ZDHHC14: variants seen among roughly 807,000 people sequenced by gnomAD.
The protein encoded by ZDHHC14 is palmitoyltransferase ZDHHC14.
In ZDHHC14, 16 loss-of-function variants were observed where a neutral mutation model predicts 47.7. That is an observed-to-expected ratio of 0.34 (90% CI 0.23 to 0.51). The LOEUF (loss-of-function observed/expected upper bound fraction) is 0.51, where lower values mean the gene tolerates loss of function less well. Among genes scored for constraint, ZDHHC14 ranks in the 20% least tolerant of loss-of-function variants. ZDHHC14 has a pLI of 0.97. For synonymous variants in ZDHHC14, 293 were observed against 278.9 expected, an observed-to-expected ratio of 1.05 and a Z score of -0.50; for missense variants, 515 against 662.5, an observed-to-expected ratio of 0.78 and a Z score of 2.44.
At chr6:157,665,693 G>A (rs918908339) in intron 8 of ZDHHC14, among the ~76,000 whole-genome samples, 2 of 152,116 alleles carry the variant, frequency 1.3e-5, no homozygotes, top group Non-Finnish European at 2.9e-5. Flanking sequence ...ATAGAAAGCT[G>A]GCATCAAAGT....
chr6:157,551,796 GC>G (rs1321619544), intron 2 of ZDHHC14, among the ~76,000 whole-genome samples: 1 of 152,156 alleles, frequency 6.6e-6, no homozygotes, highest in East Asian at 1.9e-4. Context: ...CTCCCTCCCT[GC>G]AGTGCCTGTG....
At chr6:157,403,852 G>A (rs780956723) in intron 1 of ZDHHC14, among the ~76,000 whole-genome samples, 10 of 152,334 alleles carry the variant, frequency 6.6e-5, no homozygotes, top group Middle Eastern at 3.4e-3. Context: ...TCATGGACCC[G>A]CCTGCAGGAG....
intron 1 of ZDHHC14, among the ~76,000 whole-genome samples, chr6:157,464,348 A>G (rs1779159727): frequency 6.6e-6 from 1 of 152,344 alleles, no homozygotes; most frequent in East Asian, 1.9e-4. Flanking sequence ...GGACTTTGAA[A>G]TAATTCATTT....
chr6:157,409,578 TA>T (rs938687785), intron 1 of ZDHHC14, among the ~76,000 whole-genome samples: 1 of 152,170 alleles, frequency 6.6e-6, no homozygotes, highest in African/African-American at 2.4e-5. Flanking sequence ...AGCTCTTGAG[TA>T]AAGTAGGGAA....
At chr6:157,619,805 A>T (rs1312923317) in intron 3 of ZDHHC14, among the ~76,000 whole-genome samples, 1 of 152,172 alleles carries the variant, frequency 6.6e-6, no homozygotes, top group Admixed American at 6.5e-5. Context: ...ATTCATGCAG[A>T]TACTAATAAA....
intron 1 of ZDHHC14, among the ~76,000 whole-genome samples, chr6:157,425,028 A>G (rs1404819196): frequency 6.6e-6 from 1 of 152,152 alleles, no homozygotes; most frequent in Non-Finnish European, 1.5e-5. Context: ...TAAGACTCCC[A>G]TTGTTATTTT....
rs192819055 is a variant in ZDHHC14 at position 157,559,715 on chromosome 6, G to C, written c.406+16970G>C. On this transcript the variant is annotated intron_variant, in intron 2 of 8. Coordinates refer to ENST00000359775, the MANE Select transcript of ZDHHC14 (RefSeq NM_024630.3). ...TTGTCATGAATACTATTTTGGAGTT[G>C]GACCCATTATAAATGTTTTGTCCAG... Among the ~76,000 whole-genome samples, 645 of 152,294 alleles carry C rather than the reference G, an allele frequency of 4.2e-3. 2 individuals carry two copies. Among genetic ancestry groups the C allele is most frequent in the Middle Eastern group, 0.034 (10 of 294 alleles).
At chr6:157,672,690 C>T in intron 8 of ZDHHC14, 34 bp from the exon 9 acceptor site, 1 of 1,595,052 alleles carries the variant, frequency 6.3e-7, no homozygotes, top group Non-Finnish European at 8.5e-7. Context: ...CCCTCCTCTC[C>T]ACCTTCTCTT....
chr6:157,441,472 T>A (rs1396983596), intron 1 of ZDHHC14, among the ~76,000 whole-genome samples: 1 of 152,224 alleles, frequency 6.6e-6, no homozygotes, highest in African/African-American at 2.4e-5. Flanking sequence ...TTTCCTATGT[T>A]AATTTCTTTC....
At chr6:157,606,476 A>T (rs1039180350) in intron 3 of ZDHHC14, among the ~76,000 whole-genome samples, 1 of 151,814 alleles carries the variant, frequency 6.6e-6, no homozygotes. Flanking sequence ...CAAAAAAAAG[A>T]AAAAAGAAAA....
intron 3 of ZDHHC14, among the ~76,000 whole-genome samples, chr6:157,613,369 C>G (rs1165835189): frequency 2.6e-5 from 4 of 152,174 alleles, no homozygotes; most frequent in African/African-American, 9.7e-5. Context: ...GTTTTTAGTG[C>G]TGGTCATGAC....
chr6:157,644,673 C>T (rs568375968), intron 5 of ZDHHC14, among the ~76,000 whole-genome samples: 1 of 152,340 alleles, frequency 6.6e-6, no homozygotes, highest in African/African-American at 2.4e-5. Flanking sequence ...TGGAGAAGAT[C>T]ATCACTGACA....
chr6:157,552,958 A>G (rs1582928989), intron 2 of ZDHHC14, among the ~76,000 whole-genome samples: 2 of 152,236 alleles, frequency 1.3e-5, no homozygotes, highest in Non-Finnish European at 2.9e-5. Flanking sequence ...TTGTTAAAAC[A>G]TGAAGGCAGA....
At position 157,635,911 on chromosome 6, in the gene ZDHHC14, T is replaced by G. The variant is rs550586734; in HGVS notation, c.752+3029T>G. ...AAGAGTTTTCCCTATTGGCCCAGTT[T>G]TTGAAAACGCATAGAAGTCTCAGCC... On this transcript the variant is annotated intron_variant, in intron 5 of 8. Transcript: ENST00000359775. Among the ~76,000 whole-genome samples, 8 of 152,338 alleles carry G rather than the reference T, an allele frequency of 5.3e-5. No individual in the cohort carries two copies. In the East Asian group the frequency reaches 1.5e-3, roughly 29 times the overall value.
chr6:157,479,882 G>A (rs767898240), intron 1 of ZDHHC14, among the ~76,000 whole-genome samples: 2 of 152,212 alleles, frequency 1.3e-5, no homozygotes, highest in Non-Finnish European at 2.9e-5. Context: ...ATGTGAATCT[G>A]ATCAGACAAG....
intron 3 of ZDHHC14, among the ~76,000 whole-genome samples, chr6:157,602,201 CAAA>C (rs67391412): frequency 1.7e-4 from 22 of 126,988 alleles, no homozygotes; most frequent in African/African-American, 5.2e-4. Flanking sequence ...GATTCTGTCT[CAAA>C]AAAAAAAAAA....
At chr6:157,402,393 T>A (rs1235459165) in intron 1 of ZDHHC14, among the ~76,000 whole-genome samples, 1 of 151,336 alleles carries the variant, frequency 6.6e-6, no homozygotes, top group African/African-American at 2.4e-5. Context: ...CCTGCCAAGG[T>A]CGCAGCGGGA....
intron 8 of ZDHHC14, among the ~76,000 whole-genome samples, chr6:157,654,987 G>A (rs191170581): frequency 1.3e-3 from 193 of 152,158 alleles, no homozygotes; most frequent in African/African-American, 4.4e-3. Context: ...CACCTGCCTC[G>A]GCCTCCCAAA....
rs138864373 is a variant in ZDHHC14, at chr6:157,566,887, G to A, written c.406+24142G>A. On this transcript the variant is annotated intron_variant, in intron 2 of 8. Coordinates refer to ENST00000359775, the MANE Select transcript of ZDHHC14 (RefSeq NM_024630.3). The stretch of plus-strand genomic sequence containing the variant: ...TTTTTTTGAGTCAGAGTCTTGCTCT[G>A]TCGCCCAGGCTGGAGTGCAGTGGTG... Among the ~76,000 whole-genome samples the A allele has an allele frequency of 2.2e-3, 321 of 144,486 alleles. 1 individual carries two copies. Among genetic ancestry groups the A allele is most frequent in the African/African-American group, 7.7e-3 (300 of 38,788 alleles). The allele number at this position is 144,486 out of a possible 152,430, so 94.8% of individuals were successfully genotyped here. A position where few individuals can be genotyped will look rare whatever the true frequency, so the allele number is the denominator to read the frequency against.
Sources: allele counts gnomAD v4.1 joint callset (sites outside exome capture counted in the v4.1 genomes callset), GRCh38; gene constraint gnomAD v4.1.1; transcripts MANE v1.5; gene names NCBI Gene and HGNC (gene_info 2026-07-23, HGNC 2026-07-21).